Variants in FGD6 observed in about 807,000 individuals in gnomAD.
FGD6 encodes the protein FYVE, RhoGEF and PH domain containing 6.
FGD6 carries 90 observed loss-of-function variants against 149.4 expected under a neutral mutation model. The observed-to-expected ratio is 0.60, with a 90% CI of 0.51 to 0.72. The LOEUF (loss-of-function observed/expected upper bound fraction) is 0.72. Ranked by LOEUF, FGD6 falls within the 30% of genes least tolerant of loss-of-function variation. The probability of loss-of-function intolerance (pLI) is 0.00; values close to 1 mark genes in which losing one functional copy is unlikely to be tolerated. For synonymous variants in FGD6, 527 were observed against 584.0 expected (o/e 0.90, Z 1.41); for missense variants, 1,437 against 1,684.8 (o/e 0.85, Z 2.57).
At chr12:95,188,975 T>C (rs188696653) in intron 2 of FGD6, among the ~76,000 whole-genome samples, 62 of 152,292 alleles carry the variant, frequency 4.1e-4, no homozygotes, top group Non-Finnish European at 7.8e-4. Context: ...CTACTTCATG[T>C]AGATAATCTC....
At chr12:95,105,377 G>A (rs532220975) in intron 13 of FGD6, among the ~76,000 whole-genome samples, 12 of 152,194 alleles carry the variant, frequency 7.9e-5, no homozygotes, top group Admixed American at 7.2e-4. Flanking sequence ...AGGTCCACTG[G>A]CTCTTCCTCC....
intron 8 of FGD6, among the ~76,000 whole-genome samples, chr12:95,117,399 C>A (rs1879049709): frequency 6.6e-6 from 1 of 152,000 alleles, no homozygotes; most frequent in Non-Finnish European, 1.5e-5. Flanking sequence ...CTATGTGCAA[C>A]TTCTAGGGAT....
rs188249185 is a variant in FGD6, at chr12:95,092,879, T to G, written c.3601-34A>C. The G allele has an allele frequency of 4.0e-4, 628 of 1,576,142 alleles. No homozygotes were observed. In the African/African-American group the frequency reaches 7.6e-3, roughly 19 times the overall value. On this transcript the variant is annotated intron_variant, in intron 15 of 20. Transcript: ENST00000343958. ...GAAGAACAACTTCTGATTATCTCCA[T>G]GCACACTGCCTGCCTTTTTATTCGG...
At chr12:95,129,293 ATCC>A (rs1246407700) in intron 8 of FGD6, among the ~76,000 whole-genome samples, 6 of 47,634 alleles carry the variant, frequency 1.3e-4, no homozygotes, top group African/African-American at 1.2e-3. Context: ...GCATCCATGC[ATCC>A]ATGCATGCAT....
At chr12:95,088,825 G>A (rs1456095085) in intron 18 of FGD6, among the ~76,000 whole-genome samples, 1 of 151,886 alleles carries the variant, frequency 6.6e-6, no homozygotes. Flanking sequence ...GAATATACTC[G>A]TAACTTTACA....
intron 8 of FGD6, among the ~76,000 whole-genome samples, chr12:95,130,488 C>T (rs1022074708): frequency 2.0e-5 from 3 of 152,190 alleles, no homozygotes; most frequent in Non-Finnish European, 4.4e-5. Context: ...AGTACTTAAC[C>T]TCACAAAGTT....
intron 2 of FGD6, among the ~76,000 whole-genome samples, chr12:95,198,732 G>A (rs762996251): frequency 3.3e-5 from 5 of 152,194 alleles, no homozygotes; most frequent in East Asian, 3.8e-4. Flanking sequence ...CACTGTGCCC[G>A]TCCACGATTA....
rs184318675 is a variant in FGD6 at position 95,128,128 on chromosome 12, C to G, written c.3082+6611G>C. Among the ~76,000 whole-genome samples, 163 of 152,274 alleles carry G rather than the reference C, an allele frequency of 1.1e-3. 1 individual carries two copies. In the East Asian group the frequency reaches 0.011, roughly 11 times the overall value. On this transcript the variant is annotated intron_variant, in intron 8 of 20. Coordinates refer to ENST00000343958, the MANE Select transcript of FGD6 (RefSeq NM_018351.4). ...AAATATTTTTGTATGCACAAAAGATCCCTTCAAAGACAAAAAGTGGCCCTT... is the reference window on the plus strand; with the variant it reads ...AAATATTTTTGTATGCACAAAAGATGCCTTCAAAGACAAAAAGTGGCCCTT...
Position 95,153,950 on chromosome 12 carries a change from T to TGTGTGTGTGA in FGD6, c.2587-958_2587-957insTCACACACAC, listed in dbSNP as rs796248785. 4.0e-3 allele frequency among the ~76,000 whole-genome samples: 566 copies of TGTGTGTGTGA among 141,270 alleles called. 4 individuals carry two copies. Among genetic ancestry groups the TGTGTGTGTGA allele is most frequent in the Middle Eastern group, 0.011 (3 of 274 alleles). The allele number at this position is 141,270 out of a possible 152,430, so 92.7% of individuals were successfully genotyped here. On this transcript the variant is annotated intron_variant, in intron 3 of 20. Coordinates refer to ENST00000343958, the MANE Select transcript of FGD6 (RefSeq NM_018351.4). ...GTGTGTGTGTGTGTGTGTGTGTGAG[T>TGTGTGTGTGA]GAGAGAGAGAAGAGACAGAGAGAGA...
At chr12:95,117,359 G>A (rs567101189) in intron 8 of FGD6, among the ~76,000 whole-genome samples, 1 of 152,176 alleles carries the variant, frequency 6.6e-6, no homozygotes, top group East Asian at 1.9e-4. Context: ...CCCAACATGA[G>A]TAGCAAAAAA....
At chr12:95,168,081 A>C (rs1248722695) in intron 3 of FGD6, among the ~76,000 whole-genome samples, 1 of 151,828 alleles carries the variant, frequency 6.6e-6, no homozygotes, top group Admixed American at 6.6e-5. Flanking sequence ...TTTTTAAGTC[A>C]CCTGAAGTCA....
At chr12:95,115,208 AG>A (rs35464035) in intron 8 of FGD6, among the ~76,000 whole-genome samples, 95,601 of 151,998 alleles carry the variant, frequency 0.63, 30,343 homozygotes, top group East Asian at 0.68. Context: ...CTTTGCACAA[AG>A]GGGACAATAA....
rs114163743 is a variant in FGD6 at position 95,143,091 on chromosome 12, A to G, written c.2686-1552T>C. ...AGATTTTTTCCTTTTTAGAAACAGC[A>G]GTTTTAATTAAAATCTGAAAGCAAA... is the stretch of plus-strand genomic sequence containing the variant. On this transcript the variant is annotated intron_variant, in intron 5 of 20. Coordinates refer to ENST00000343958, the MANE Select transcript of FGD6 (RefSeq NM_018351.4). Among the ~76,000 whole-genome samples, 1,502 of 152,166 alleles carry G rather than the reference A, an allele frequency of 9.9e-3. 23 individuals are homozygous for G. Among genetic ancestry groups the G allele is most frequent in the African/African-American group, 0.034 (1,422 of 41,426 alleles).
chr12:95,133,169 G>T (rs1329501274), intron 8 of FGD6, among the ~76,000 whole-genome samples: 1 of 152,224 alleles, frequency 6.6e-6, no homozygotes, highest in African/African-American at 2.4e-5. Flanking sequence ...TATAATCTCA[G>T]CACTTTGGGA....
intron 6 of FGD6, among the ~76,000 whole-genome samples, chr12:95,138,136 G>A (rs1345721800): frequency 6.6e-6 from 1 of 151,808 alleles, no homozygotes; most frequent in African/African-American, 2.4e-5. Context: ...CCCGGGAGGG[G>A]GAGGTTGCAG....
intron 20 of FGD6, among the ~76,000 whole-genome samples, chr12:95,083,013 A>AAAATT (rs1877741428): frequency 8.6e-5 from 3 of 35,056 alleles, no homozygotes; most frequent in Admixed American, 2.8e-4. Flanking sequence ...AAAAAAAAAA[A>AAAATT]TATATATATA....
At chr12:95,186,240 T>A (rs1881432290) in intron 2 of FGD6, among the ~76,000 whole-genome samples, 2 of 24,854 alleles carry the variant, frequency 8.0e-5, no homozygotes, top group South Asian at 3.2e-3. Flanking sequence ...TTTTTTTTTT[T>A]TTTTTTTTTT....
At position 95,209,266 on chromosome 12, in the gene FGD6, T is replaced by G; in HGVS notation, c.2018A>C (p.Asp673Ala). The change falls in exon 2 of 21, where the codon GAT becomes GCT. Residue 673 changes from aspartate to alanine, a missense_variant. Transcript: ENST00000343958. ...SSGEQKGIESDWQGLLVGEEK... is the reference protein window; with the variant it reads ...SSGEQKGIESAWQGLLVGEEK... ...CTCTCCTACCAACAAGCCTTGCCAA[T>G]CACTTTCAATCCCCTTCTGCTCCCC... The G allele has an allele frequency of 6.2e-7, 1 of 1,614,126 alleles. No individual in the cohort carries two copies. The highest frequency in any genetic ancestry group is 8.5e-7 in the Non-Finnish European group (1 of 1,180,018).
chr12:95,149,669 C>T (rs1457718409), intron 5 of FGD6, among the ~76,000 whole-genome samples: 1 of 132,426 alleles, frequency 7.6e-6, no homozygotes, highest in African/African-American at 2.8e-5. Context: ...AAAAAAAGGA[C>T]AATATTTTGT....
Sources: allele counts gnomAD v4.1 joint callset (sites outside exome capture counted in the v4.1 genomes callset), GRCh38; gene constraint gnomAD v4.1.1; transcripts MANE v1.5; gene names NCBI Gene and HGNC (gene_info 2026-07-23, HGNC 2026-07-21).